The following CBX5 variants were observed in gnomAD, a reference collection of about 807,000 sequenced individuals.
The protein encoded by CBX5 is chromobox protein homolog 5.
In CBX5, 7 loss-of-function variants were observed where a neutral mutation model predicts 20.7. The ratio of observed to expected loss-of-function variants is 0.34; its 90% CI spans 0.19 to 0.63. CBX5 has a LOEUF of 0.63. CBX5 is among the 30% of genes least tolerant of loss of function. The pLI is 0.75. For missense variants in CBX5, 110 were observed against 224.1 expected (o/e 0.49, Z 3.25); for synonymous variants, 78 against 77.0 (o/e 1.01, Z -0.07).
At chr12:54,244,167 A>ATT (rs924975480) in intron 4 of CBX5, among the ~76,000 whole-genome samples, 3 of 140,100 alleles carry the variant, frequency 2.1e-5, no homozygotes, top group Admixed American at 1.4e-4. Context: ...AAGCCTGGCT[A>ATT]TTTTTTTTTT....
In CBX5 at chr12:54,246,125, G is replaced by A; in HGVS notation, c.415C>T (p.Leu139=). 6.2e-7 allele frequency: 1 copy of A among 1,608,916 alleles called. No individual in the cohort carries two copies. The highest frequency in any genetic ancestry group is 8.5e-7 in the Non-Finnish European group (1 of 1,175,342). The part of the protein sequence containing the change: ...ATDSCGDLMF[L]MKWKDTDEAD... ...CCAAATCTCTCTCACCATTTCATTAGGAACATTAAATCACCACAGGAATCT... is the reference window on the plus strand; with the variant it reads ...CCAAATCTCTCTCACCATTTCATTAAGAACATTAAATCACCACAGGAATCT... Residue 139 remains leucine (L), a synonymous_variant, in exon 4 of 5, where the codon CTA becomes TTA. Coordinates refer to ENST00000209875, the MANE Select transcript of CBX5 (RefSeq NM_012117.3).
At position 54,230,981 on chromosome 12, in the gene CBX5, A is replaced by T. The variant is rs985832848; in HGVS notation, c.*10774T>A. 6.6e-6 allele frequency: 1 copy of T among 152,200 alleles called. No homozygotes were observed. Among genetic ancestry groups the T allele is most frequent in the Admixed American group, 6.5e-5 (1 of 15,274 alleles). The allele number at this position is 152,200 out of a possible 1,614,324, so 9.4% of individuals were successfully genotyped here. A position where few individuals can be genotyped will look rare whatever the true frequency, so the allele number is the denominator to read the frequency against. ...AACCATTTATTAGAACCAATACAAG[A>T]GTATGAAAAGGGGGAAAAGAGGAGG... On this transcript the variant is annotated 3_prime_UTR_variant, in exon 5 of 5. Coordinates refer to ENST00000209875, the MANE Select transcript of CBX5 (RefSeq NM_012117.3).
At position 54,264,535 on chromosome 12, in the gene CBX5, C is replaced by T. The variant is rs575061984; in HGVS notation, c.-42-6843G>A. Among the ~76,000 whole-genome samples the T allele has an allele frequency of 2.0e-5, 3 of 152,302 alleles. No homozygotes were observed. In the South Asian group the frequency reaches 6.2e-4, roughly 32 times the overall value. ...ACATAATTCTAGATCTTTCACTAAG[C>T]TTTCTTCTTATTAAGAATGAAAGCC... On this transcript the variant is annotated intron_variant, in intron 1 of 4. Transcript: ENST00000209875.
chr12:54,255,947 G>A (rs944114318), intron 2 of CBX5: 1 of 152,230 alleles, frequency 6.6e-6, no homozygotes, highest in Non-Finnish European at 1.5e-5. Context: ...GAGAGCACAA[G>A]AGGTAGAATT....
chr12:54,268,001 A>G lies in CBX5; in HGVS notation c.-42-10309T>C, dbSNP rs886308103. ...TCTACCAAAAATACAAACATTAGTCAGGCGTGGTGGTGGGCGCCTGTAATC... is the reference window on the plus strand; with the variant it reads ...TCTACCAAAAATACAAACATTAGTCGGGCGTGGTGGTGGGCGCCTGTAATC... On this transcript the variant is annotated intron_variant, in intron 1 of 4. Transcript: ENST00000209875. Among the ~76,000 whole-genome samples, 33 of 152,110 alleles carry G rather than the reference A, an allele frequency of 2.2e-4. 1 individual carries two copies. Among genetic ancestry groups the G allele is most frequent in the Non-Finnish European group, 1.5e-5 (1 of 68,018 alleles).
intron 1 of CBX5, among the ~76,000 whole-genome samples, chr12:54,260,761 G>GT (rs1303436991): frequency 6.6e-6 from 1 of 152,162 alleles, no homozygotes; most frequent in African/African-American, 2.4e-5. Context: ...TTGAAATACT[G>GT]TAAGTTTTCC....
At chr12:54,269,496 C>A (rs1943989081) in intron 1 of CBX5, among the ~76,000 whole-genome samples, 1 of 151,952 alleles carries the variant, frequency 6.6e-6, no homozygotes, top group African/African-American at 2.4e-5. Flanking sequence ...TCAAGCGATT[C>A]TCCTGCCTCA....
At chr12:54,257,384 G>A (rs984868401) in intron 2 of CBX5, 130 bp downstream of exon 2, 117 of 837,722 alleles carry the variant, frequency 1.4e-4, no homozygotes, top group Non-Finnish European at 1.9e-4. Flanking sequence ...TTACTGCTGT[G>A]TCTTCTAACT....
rs142450393 is a variant in CBX5, at chr12:54,261,586, C to T, written c.-42-3894G>A. Among the ~76,000 whole-genome samples the T allele has an allele frequency of 5.9e-5, 9 of 152,306 alleles. No individual in the cohort carries two copies. In the East Asian group the frequency reaches 1.7e-3, roughly 29 times the overall value. ...CTGGGATTACAGGCATGAGACACTGCACCCGGCCAGAAATTTTTTAATTAC... is the reference window on the plus strand; with the variant it reads ...CTGGGATTACAGGCATGAGACACTGTACCCGGCCAGAAATTTTTTAATTAC... On this transcript the variant is annotated intron_variant, in intron 1 of 4. Coordinates refer to ENST00000209875, the MANE Select transcript of CBX5 (RefSeq NM_012117.3).
intron 3 of CBX5, among the ~76,000 whole-genome samples, chr12:54,249,597 T>C (rs940103261): frequency 6.6e-6 from 1 of 151,910 alleles, no homozygotes; most frequent in Non-Finnish European, 1.5e-5. Flanking sequence ...TTTTATGAAA[T>C]GTAAAGTGTA....
chr12:54,253,955 T>C (rs1182934280), intron 2 of CBX5, among the ~76,000 whole-genome samples: 2 of 152,000 alleles, frequency 1.3e-5, no homozygotes, highest in East Asian at 3.9e-4. Flanking sequence ...TTCACCATGT[T>C]GGCCAGGCTG....
intron 3 of CBX5, among the ~76,000 whole-genome samples, chr12:54,248,113 G>A (rs1943756067): frequency 6.6e-6 from 1 of 152,064 alleles, no homozygotes. Context: ...AAAGTGCTGA[G>A]ATTACAGATG....
rs149237997 is a variant in CBX5, at chr12:54,259,761, T to C, written c.-42-2069A>G. Among the ~76,000 whole-genome samples, 321 of 152,384 alleles carry C rather than the reference T, an allele frequency of 2.1e-3. 2 individuals are homozygous for C. Among genetic ancestry groups the C allele is most frequent in the African/African-American group, 7.4e-3 (306 of 41,594 alleles). On this transcript the variant is annotated intron_variant, in intron 1 of 4. Coordinates refer to ENST00000209875, the MANE Select transcript of CBX5 (RefSeq NM_012117.3). ...GTGGAGAAATTGGAAGGTACCTCTCTTGGCCTCAAGGCTAAGGCATTCAGA... is the reference window on the plus strand; with the variant it reads ...GTGGAGAAATTGGAAGGTACCTCTCCTGGCCTCAAGGCTAAGGCATTCAGA...
chr12:54,265,911 G>A (rs1350300910), intron 1 of CBX5, among the ~76,000 whole-genome samples: 1 of 151,906 alleles, frequency 6.6e-6, no homozygotes, highest in Non-Finnish European at 1.5e-5. Flanking sequence ...GCCAGGTAAG[G>A]CGGTGCACGT....
rs370785598 is a variant in CBX5, at chr12:54,246,108, C to G, written c.425+7G>C. 1.9e-6 allele frequency: 3 copies of G among 1,594,634 alleles called. No homozygotes were observed. Among genetic ancestry groups the G allele is most frequent in the Non-Finnish European group, 1.7e-6 (2 of 1,162,366 alleles). On this transcript the variant is annotated splice_region_variant and intron_variant, in intron 4 of 4. Coordinates refer to ENST00000209875, the MANE Select transcript of CBX5 (RefSeq NM_012117.3). ...ACAATTGTAAAGCGAAGCCAAATCT[C>G]TCTCACCATTTCATTAGGAACATTA...
chr12:54,265,506 T>C (rs1445685855), intron 1 of CBX5, among the ~76,000 whole-genome samples: 1 of 152,222 alleles, frequency 6.6e-6, no homozygotes, highest in Non-Finnish European at 1.5e-5. Flanking sequence ...CTGATAACTA[T>C]CACTCCACCT....
rs1184784062 is a variant in CBX5, at chr12:54,235,277, T to C, written c.*6478A>G. On this transcript the variant is annotated 3_prime_UTR_variant, in exon 5 of 5. Coordinates refer to ENST00000209875, the MANE Select transcript of CBX5 (RefSeq NM_012117.3). ...AGATTTAATATACAAGGTATATGTA[T>C]TTCTGGCAAAGGTTTCCACATAACT... 6.6e-6 allele frequency: 1 copy of C among 152,228 alleles called. No homozygotes were observed. The highest frequency in any genetic ancestry group is 1.5e-5 in the Non-Finnish European group (1 of 68,044). The allele number at this position is 152,228 out of a possible 1,614,324, so 9.4% of individuals were successfully genotyped here.
At chr12:54,260,271 A>G (rs1460009790) in intron 1 of CBX5, among the ~76,000 whole-genome samples, 3 of 151,944 alleles carry the variant, frequency 2.0e-5, no homozygotes, top group Admixed American at 6.6e-5. Flanking sequence ...CGGGGCAATC[A>G]TTTGAGGTCA....
intron 2 of CBX5, among the ~76,000 whole-genome samples, chr12:54,253,230 T>C (rs1943826688): frequency 6.6e-6 from 1 of 151,642 alleles, no homozygotes; most frequent in African/African-American, 2.4e-5. Flanking sequence ...GCCTGGTCAA[T>C]ATTGCAAAAC....
Sources: allele counts gnomAD v4.1 joint callset (sites outside exome capture counted in the v4.1 genomes callset), GRCh38; gene constraint gnomAD v4.1.1; transcripts MANE v1.5; gene names NCBI Gene and HGNC (gene_info 2026-07-23, HGNC 2026-07-21).